Variants in MESD observed in about 807,000 individuals in gnomAD.
The protein encoded by MESD is mesoderm development LRP chaperone.
In MESD, 7 loss-of-function variants were observed where a neutral mutation model predicts 12.9. The ratio of observed to expected loss-of-function variants is 0.54; its 90% confidence interval spans 0.31 to 1.02. MESD has a LOEUF of 1.02. Ranked by LOEUF, MESD falls within the 50% of genes least tolerant of loss-of-function variation. MESD has a pLI of 0.05. For missense variants in MESD, 342 were observed against 296.7 expected, an observed-to-expected ratio of 1.15 and a Z score of -1.12; for synonymous variants, 126 against 115.6, an observed-to-expected ratio of 1.09 and a Z score of -0.58.
chr15:80,955,364 G>A (rs1901948103), intron 3 of MESD, among the ~76,000 whole-genome samples: 1 of 150,426 alleles, frequency 6.6e-6, no homozygotes, highest in South Asian at 2.1e-4. Context: ...AGTGGCAGGT[G>A]CCTGTAGTCC....
In MESD at chr15:80,989,766, T is replaced by C; in HGVS notation, c.26A>G (p.Lys9Arg). ...AGAGGCACAAAGCAGGACCACGGCC[T>C]TGCGCGCCCACCTGGAAGCCGCCAT... The part of the protein sequence containing the change: MAASRWAR[K>R]AVVLLCASDL... Residue 9 changes from lysine (K) to arginine (R), a missense_variant, in exon 1 of 3, where the codon AAG becomes AGG. Transcript: ENST00000261758. 2 of 1,595,108 alleles carry C rather than the reference T, an allele frequency of 1.3e-6. No individual in the cohort carries two copies. Among genetic ancestry groups the C allele is most frequent in the Non-Finnish European group, 1.7e-6 (2 of 1,177,140 alleles).
intron 4 of MESD, chr15:80,950,183 A>C (rs559948152): frequency 6.6e-6 from 1 of 152,380 alleles, no homozygotes; most frequent in Admixed American, 6.5e-5. Context: ...CTGGGATTTC[A>C]GAGCTGGAAA....
chr15:80,971,214 C>T (rs567757337), downstream of MESD, among the ~76,000 whole-genome samples: 1 of 152,310 alleles, frequency 6.6e-6, no homozygotes, highest in African/African-American at 2.4e-5. Flanking sequence ...CTTTCAGCTC[C>T]AAGCCCTGGC....
intron 3 of MESD, among the ~76,000 whole-genome samples, chr15:80,962,910 C>T (rs1049647004): frequency 6.6e-6 from 1 of 152,120 alleles, no homozygotes; most frequent in Non-Finnish European, 1.5e-5. Flanking sequence ...GACACCCTAA[C>T]ATCACAATTA....
chr15:80,960,671 G>A (rs981542793), intron 3 of MESD, among the ~76,000 whole-genome samples: 1 of 152,148 alleles, frequency 6.6e-6, no homozygotes, highest in Non-Finnish European at 1.5e-5. Flanking sequence ...ATCAAAATTG[G>A]TTGATATGCC....
At chr15:80,955,203 C>T (rs767392647) in intron 3 of MESD, among the ~76,000 whole-genome samples, 4 of 151,742 alleles carry the variant, frequency 2.6e-5, no homozygotes, top group South Asian at 2.1e-4. Flanking sequence ...TGCCCAATCT[C>T]GGCCGGGCGC....
chr15:80,987,055 G>A (rs1282174789), intron 1 of MESD, among the ~76,000 whole-genome samples: 2 of 152,120 alleles, frequency 1.3e-5, no homozygotes, highest in African/African-American at 4.8e-5. Context: ...CCCTCCAACT[G>A]CCTCTTCCCA....
At chr15:80,957,767 C>T (rs1902013966) in intron 3 of MESD, among the ~76,000 whole-genome samples, 2 of 152,146 alleles carry the variant, frequency 1.3e-5, no homozygotes, top group South Asian at 2.1e-4. Flanking sequence ...TTCAGCTCAG[C>T]CCAAAAAGCA....
At chr15:80,959,171 G>C (rs957123348) in intron 3 of MESD, among the ~76,000 whole-genome samples, 12 of 152,320 alleles carry the variant, frequency 7.9e-5, no homozygotes, top group Admixed American at 2.0e-4. Flanking sequence ...AGCTGCTGTT[G>C]GAGTTGGGGG....
At chr15:80,950,788 G>A (rs1332990593) in intron 4 of MESD, 2 of 152,488 alleles carry the variant, frequency 1.3e-5, no homozygotes, top group African/African-American at 2.4e-5. Context: ...CTCTATCTGT[G>A]GTTTATAATC....
intron 3 of MESD, among the ~76,000 whole-genome samples, chr15:80,963,507 G>A (rs2141792623): frequency 6.6e-6 from 1 of 152,168 alleles, no homozygotes; most frequent in East Asian, 1.9e-4. Flanking sequence ...GATACCAAAG[G>A]CTAGCAGAGA....
chr15:80,979,538 A>G, intron 2 of MESD, 61 bp from the exon 3 acceptor site: 2 of 1,546,842 alleles, frequency 1.3e-6, no homozygotes, highest in Admixed American at 2.0e-5. Context: ...AAGGGGTCAG[A>G]GCAATTCTCT....
At chr15:80,972,549 G>T (rs1223868564), downstream of MESD, among the ~76,000 whole-genome samples, 8 of 152,160 alleles carry the variant, frequency 5.3e-5, no homozygotes, top group Admixed American at 5.2e-4. Context: ...TCCTAGAAAG[G>T]GACATGGATC....
At chr15:80,981,436 C>CAGAA (rs1491110626) in intron 2 of MESD, among the ~76,000 whole-genome samples, 1 of 48,444 alleles carries the variant, frequency 2.1e-5, no homozygotes, top group Non-Finnish European at 4.7e-5. Flanking sequence ...GACTCCGTCT[C>CAGAA]AAAAAAAAAA....
chr15:80,983,866 T>C (rs953215157), intron 1 of MESD, among the ~76,000 whole-genome samples: 1 of 148,970 alleles, frequency 6.7e-6, no homozygotes, highest in African/African-American at 2.5e-5. Flanking sequence ...TCAAAACAAA[T>C]GAATAAATTA....
At chr15:80,955,312 T>C (rs370297215) in intron 3 of MESD, among the ~76,000 whole-genome samples, 2,763 of 148,816 alleles carry the variant, frequency 0.019, 94 homozygotes, top group African/African-American at 0.065. Flanking sequence ...GGTGAAACCC[T>C]GTCTCTACTA....
intron 1 of MESD, among the ~76,000 whole-genome samples, chr15:80,982,624 G>A (rs944128561): frequency 1.3e-4 from 20 of 152,184 alleles, no homozygotes; most frequent in African/African-American, 4.6e-4. Flanking sequence ...ATTCAAGAAT[G>A]AGCAAAACTA....
chr15:80,968,068 C>G (rs1902209580), intron 3 of MESD, among the ~76,000 whole-genome samples: 1 of 152,228 alleles, frequency 6.6e-6, no homozygotes, highest in Non-Finnish European at 1.5e-5. Context: ...TTCCTTGTAC[C>G]AGCAAGCAGC....
At chr15:80,946,504 C>T (rs189171730), downstream of MESD, 46 of 180,708 alleles carry the variant, frequency 2.5e-4, 1 homozygote, top group African/African-American at 9.9e-4. Flanking sequence ...TGCTCCCCTC[C>T]GCCTTCCCGC....
Sources: allele counts gnomAD v4.1 joint callset (sites outside exome capture counted in the v4.1 genomes callset), GRCh38; gene constraint gnomAD v4.1.1; transcripts MANE v1.5; gene names NCBI Gene and HGNC (gene_info 2026-07-23, HGNC 2026-07-21).